EBF2: variants seen among roughly 807,000 people sequenced by gnomAD.
EBF2 encodes the protein EBF transcription factor 2.
Under a neutral mutation model 72.8 loss-of-function variants are expected in EBF2, and 21 were observed. The ratio of observed to expected loss-of-function variants is 0.29; its 90% CI spans 0.20 to 0.42. The LOEUF is 0.42. Among genes scored for constraint, EBF2 ranks in the 10% least tolerant of loss-of-function variants. The pLI is 1.00. For missense variants in EBF2, 637 were observed against 731.2 expected (o/e 0.87, Z 1.49); for synonymous variants, 299 against 274.2 (o/e 1.09, Z -0.89).
At chr8:25,998,393 A>G (rs974974177) in intron 6 of EBF2, among the ~76,000 whole-genome samples, 6 of 152,214 alleles carry the variant, frequency 3.9e-5, no homozygotes, top group African/African-American at 1.4e-4. Flanking sequence ...TCTTTCTCGC[A>G]CTATTTCAAG....
At chr8:25,898,963 A>G (rs1802901954) in intron 7 of EBF2, among the ~76,000 whole-genome samples, 1 of 152,190 alleles carries the variant, frequency 6.6e-6, no homozygotes, top group Non-Finnish European at 1.5e-5. Context: ...TTTCCAGCTA[A>G]CTGCAGTCTG....
At chr8:26,040,747 G>C in intron 3 of EBF2, 76 bp from the exon 4 acceptor site, 1 of 1,521,822 alleles carries the variant, frequency 6.6e-7, no homozygotes, top group South Asian at 1.2e-5. Flanking sequence ...TCTGCCATGG[G>C]TCTGAGGCCC....
At chr8:25,854,720 G>T (rs1344727689) in intron 14 of EBF2, among the ~76,000 whole-genome samples, 1 of 151,884 alleles carries the variant, frequency 6.6e-6, no homozygotes, top group Non-Finnish European at 1.5e-5. Flanking sequence ...TTATTCTTAT[G>T]GTGGGAGTAC....
At position 25,861,315 on chromosome 8, in the gene EBF2, A is replaced by G. The variant is rs1802209225; in HGVS notation, c.1158T>C (p.Asn386=). 1.2e-6 allele frequency: 2 copies of G among 1,614,086 alleles called. No homozygotes were observed. The highest frequency in any genetic ancestry group is 2.2e-5 in the East Asian group (1 of 44,890). Residue 386 remains asparagine, a synonymous_variant, in exon 12 of 16, where the codon AAT becomes AAC. Transcript: ENST00000520164. ...LVEALYGTPH[N]NQDIILKRAA... ...TAGGATGTCAGTATCTCACCTGGTT[A>G]TTGTGTGGTGTGCCATAAAGAGCTT...
At chr8:25,845,482 T>C (rs1283238960) in intron 15 of EBF2, among the ~76,000 whole-genome samples, 1 of 152,184 alleles carries the variant, frequency 6.6e-6, no homozygotes. Flanking sequence ...CACCTCAGCC[T>C]CCCAAAATGT....
intron 6 of EBF2, among the ~76,000 whole-genome samples, chr8:25,941,461 C>T (rs1007790850): frequency 1.3e-5 from 2 of 152,184 alleles, no homozygotes; most frequent in African/African-American, 4.8e-5. Flanking sequence ...CCACCTCGGC[C>T]TCCCAAAGCG....
chr8:25,876,142 C>A (rs995906952), intron 10 of EBF2, among the ~76,000 whole-genome samples: 1 of 152,154 alleles, frequency 6.6e-6, no homozygotes, highest in Admixed American at 6.5e-5. Flanking sequence ...AGCCATTATG[C>A]TCAGCGAACT....
At chr8:25,962,644 A>G (rs1332335544) in intron 6 of EBF2, among the ~76,000 whole-genome samples, 2 of 152,228 alleles carry the variant, frequency 1.3e-5, no homozygotes, top group Non-Finnish European at 2.9e-5. Flanking sequence ...AGTGGCTCTT[A>G]AACAAAGACA....
At chr8:26,030,491 G>A (rs993186699) in intron 6 of EBF2, among the ~76,000 whole-genome samples, 1 of 151,876 alleles carries the variant, frequency 6.6e-6, no homozygotes, top group Non-Finnish European at 1.5e-5. Flanking sequence ...TGAATTAATG[G>A]GTGCAGCACA....
intron 6 of EBF2, among the ~76,000 whole-genome samples, chr8:25,999,638 C>CT (rs201122059): frequency 0.31 from 44,923 of 142,734 alleles, 8,230 homozygotes; most frequent in Admixed American, 0.43. Context: ...TGTCTTTCCT[C>CT]TTTTTTTTTT....
intron 6 of EBF2, among the ~76,000 whole-genome samples, chr8:25,913,227 G>C (rs1484402009): frequency 6.6e-6 from 1 of 152,128 alleles, no homozygotes; most frequent in Admixed American, 6.5e-5. Flanking sequence ...AGTATCACGA[G>C]ATCAAGAGAT....
chr8:25,877,620 G>A (rs1802544526), intron 10 of EBF2, among the ~76,000 whole-genome samples: 1 of 152,178 alleles, frequency 6.6e-6, no homozygotes, highest in South Asian at 2.1e-4. Flanking sequence ...CTGTCATGGT[G>A]GTGCATCCTT....
intron 5 of EBF2, among the ~76,000 whole-genome samples, chr8:26,033,468 G>A (rs1805442505): frequency 6.6e-6 from 1 of 152,198 alleles, no homozygotes; most frequent in Admixed American, 6.5e-5. Context: ...GACCTCAGGT[G>A]ATCTGCCCAC....
intron 5 of EBF2, among the ~76,000 whole-genome samples, chr8:26,038,506 A>G (rs1007471867): frequency 2.6e-5 from 4 of 152,352 alleles, no homozygotes; most frequent in African/African-American, 9.6e-5. Flanking sequence ...TCATTAGACA[A>G]TGGATCAATT....
intron 7 of EBF2, among the ~76,000 whole-genome samples, chr8:25,890,787 G>T (rs1802764211): frequency 6.6e-6 from 1 of 152,154 alleles, no homozygotes; most frequent in Admixed American, 6.5e-5. Flanking sequence ...TCAGATTAGG[G>T]ATGCTCAACC....
intron 6 of EBF2, among the ~76,000 whole-genome samples, chr8:26,024,899 G>A (rs560910327): frequency 1.3e-5 from 2 of 152,152 alleles, no homozygotes; most frequent in African/African-American, 4.8e-5. Context: ...AATGCCATGT[G>A]ATGTCTGATA....
chr8:26,003,545 C>A (rs1804777377), intron 6 of EBF2, among the ~76,000 whole-genome samples: 2 of 152,088 alleles, frequency 1.3e-5, no homozygotes. Context: ...TACCATGGTT[C>A]CTATGGGAGC....
intron 14 of EBF2, among the ~76,000 whole-genome samples, chr8:25,851,304 G>GTAAAAGTT (rs1801966229): frequency 6.6e-6 from 1 of 151,610 alleles, no homozygotes; most frequent in Non-Finnish European, 1.5e-5. Context: ...ATGTAAAAGT[G>GTAAAAGTT]TATTAACATT....
At position 25,861,044 on chromosome 8, in the gene EBF2, G is replaced by A; in HGVS notation, c.1342+5C>T. The A allele has an allele frequency of 6.2e-7, 1 of 1,614,036 alleles. No homozygotes were observed. The highest frequency in any genetic ancestry group is 8.5e-7 in the Non-Finnish European group (1 of 1,179,984). On this transcript the variant is annotated splice_donor_5th_base_variant and intron_variant, in intron 13 of 15. Transcript: ENST00000520164. ...TTTGGATTTTGACTCTAAGAAAGGT[G>A]GTACCTTGATTATTTCCTTGTGTTG...
Sources: allele counts gnomAD v4.1 joint callset (sites outside exome capture counted in the v4.1 genomes callset), GRCh38; gene constraint gnomAD v4.1.1; transcripts MANE v1.5; gene names NCBI Gene and HGNC (gene_info 2026-07-23, HGNC 2026-07-21).